ARHGAP8: variants seen among roughly 807,000 people sequenced by gnomAD.
ARHGAP8 encodes Rho GTPase activating protein 8, also known as rho GTPase-activating protein 8.
A neutral mutation model predicts 46.1 loss-of-function variants in ARHGAP8; 62 were observed. The ratio of observed to expected loss-of-function variants is 1.34; its 90% confidence interval spans 1.10 to 1.66. The LOEUF is 1.66. Ranked by LOEUF, ARHGAP8 falls within the 40% of genes most tolerant of loss-of-function variation. The probability of loss-of-function intolerance (pLI) is 0.00; values close to 1 mark genes in which losing one functional copy is unlikely to be tolerated. For missense variants in ARHGAP8, 923 were observed against 568.4 expected, an observed-to-expected ratio of 1.62 and a Z score of -6.34; for synonymous variants, 375 against 243.1, an observed-to-expected ratio of 1.54 and a Z score of -5.05.
chr22:44,791,474 C>G (rs916150353), intron 2 of ARHGAP8, among the ~76,000 whole-genome samples: 3 of 152,106 alleles, frequency 2.0e-5, no homozygotes, highest in Admixed American at 2.0e-4. Flanking sequence ...GGGGATGAGT[C>G]AGGTGGATCA....
intron 1 of ARHGAP8, among the ~76,000 whole-genome samples, chr22:44,753,502 T>C (rs1317975298): frequency 2.0e-5 from 3 of 151,536 alleles, no homozygotes; most frequent in Non-Finnish European, 4.4e-5. Context: ...ATTACAGTCG[T>C]GAGACACCGC....
At chr22:44,794,591 T>C (rs1265682923) in intron 2 of ARHGAP8, among the ~76,000 whole-genome samples, 1 of 152,018 alleles carries the variant, frequency 6.6e-6, no homozygotes, top group Non-Finnish European at 1.5e-5. Flanking sequence ...GCACCTGTAG[T>C]CCCAGCTACC....
intron 1 of ARHGAP8, among the ~76,000 whole-genome samples, chr22:44,758,623 G>T (rs1022477099): frequency 4.6e-5 from 7 of 151,758 alleles, no homozygotes; most frequent in African/African-American, 9.7e-5. Context: ...TAGTGGGGAG[G>T]GGGGGAACAT....
intron 5 of ARHGAP8, among the ~76,000 whole-genome samples, chr22:44,822,076 C>T (rs942867282): frequency 3.9e-5 from 6 of 152,204 alleles, no homozygotes; most frequent in South Asian, 2.1e-4. Flanking sequence ...GGCACTTCCG[C>T]GCTATCTCCT....
intron 1 of ARHGAP8, chr22:44,777,151 T>G (rs1167543455): frequency 6.6e-6 from 1 of 152,134 alleles, no homozygotes; most frequent in Non-Finnish European, 1.5e-5. Flanking sequence ...CACTCTGCTA[T>G]TCTTCAACAG....
At chr22:44,775,543 G>C (rs539305414) in intron 1 of ARHGAP8, among the ~76,000 whole-genome samples, 2 of 152,074 alleles carry the variant, frequency 1.3e-5, no homozygotes, top group African/African-American at 4.8e-5. Flanking sequence ...TGCCTCCCGG[G>C]TTCAAGCGAT....
At chr22:44,824,815 T>C (rs1280375997) in intron 6 of ARHGAP8, among the ~76,000 whole-genome samples, 1 of 151,884 alleles carries the variant, frequency 6.6e-6, no homozygotes, top group Admixed American at 6.6e-5. Flanking sequence ...GTATTTTCAG[T>C]AGAGATGGGG....
At chr22:44,859,647 A>C (rs4490294) in intron 10 of ARHGAP8, 84 bp from the exon 11 acceptor site, 232,678 of 1,459,172 alleles carry the variant, frequency 0.16, 19,680 homozygotes, top group East Asian at 0.35. Context: ...TGTCCTTCCT[A>C]CACCCCTGTT....
intron 1 of ARHGAP8, among the ~76,000 whole-genome samples, chr22:44,758,837 T>A (rs2146986419): frequency 6.6e-6 from 1 of 152,280 alleles, no homozygotes; most frequent in South Asian, 2.1e-4. Flanking sequence ...GACAGAGGGT[T>A]GTCATGGAAG....
rs114650852 is a variant in ARHGAP8 at position 44,824,425 on chromosome 22, G to A, written c.486-1058G>A. On this transcript the variant is annotated intron_variant, in intron 6 of 11. Transcript: ENST00000356099. Reference sequence around the variant, plus strand: ...CTCCGCAGACCTTTCCTGCATTGTCGGGTGCCTAACCCTGCACCATCTTGT... The same window carrying A: ...CTCCGCAGACCTTTCCTGCATTGTCAGGTGCCTAACCCTGCACCATCTTGT... 8.7e-3 allele frequency among the ~76,000 whole-genome samples: 1,329 copies of A among 152,204 alleles called. 21 individuals carry two copies. The highest frequency in any genetic ancestry group is 0.03 in the African/African-American group (1,244 of 41,516).
chr22:44,860,661 C>G (rs2070432386), intron 11 of ARHGAP8, among the ~76,000 whole-genome samples: 1 of 151,036 alleles, frequency 6.6e-6, no homozygotes. Flanking sequence ...AAGCAAATGA[C>G]CAGAGAGAGA....
intron 3 of ARHGAP8, among the ~76,000 whole-genome samples, chr22:44,805,800 C>T (rs770673329): frequency 6.6e-6 from 1 of 152,246 alleles, no homozygotes; most frequent in Non-Finnish European, 1.5e-5. Flanking sequence ...CGTACATTAT[C>T]CTCCCTATCC....
intron 11 of ARHGAP8, 90 bp from the exon 12 acceptor site, chr22:44,862,185 C>CT: frequency 6.7e-7 from 1 of 1,482,966 alleles, no homozygotes; most frequent in Non-Finnish European, 9.1e-7. Flanking sequence ...TCTCACTACA[C>CT]CTACGCCTCT....
intron 10 of ARHGAP8, among the ~76,000 whole-genome samples, chr22:44,858,551 T>TTTTTTTTTTTC (rs397964298): frequency 1.7e-5 from 2 of 117,912 alleles, no homozygotes; most frequent in African/African-American, 3.6e-5. Context: ...TTTTTTTTTT[T>TTTTTTTTTTTC]AAGTAACAGG....
In ARHGAP8 at chr22:44,862,535, G is replaced by C; in HGVS notation, c.1242G>C (p.Thr414=). Reference sequence around the variant, plus strand: ...AGGCTGTGCCACGGACACAAGCCACGGGCCTCACCAAGCCTACCCTACCTC... The same window carrying C: ...AGGCTGTGCCACGGACACAAGCCACCGGCCTCACCAAGCCTACCCTACCTC... ...LQEAVPRTQA[T]GLTKPTLPPS... The change falls in exon 12 of 12, where the codon ACG becomes ACC. Residue 414 remains threonine (T), a synonymous_variant. Transcript: ENST00000356099. 1.9e-6 allele frequency: 3 copies of C among 1,609,186 alleles called. No individual in the cohort carries two copies. The highest frequency in any genetic ancestry group is 1.3e-5 in the African/African-American group (1 of 74,950).
chr22:44,796,395 GGCCCTC>G (rs559637169), intron 2 of ARHGAP8, among the ~76,000 whole-genome samples: 2 of 152,158 alleles, frequency 1.3e-5, no homozygotes, highest in African/African-American at 4.8e-5. Context: ...GAATGCGGCT[GGCCCTC>G]GTCCCCAGTT....
intron 4 of ARHGAP8, among the ~76,000 whole-genome samples, chr22:44,814,286 T>C (rs75774616): frequency 0.012 from 1,893 of 152,302 alleles, 56 homozygotes; most frequent in African/African-American, 0.044. Flanking sequence ...GAGCTCCTTC[T>C]AGCCCAGGTC....
At chr22:44,808,593 C>A in intron 4 of ARHGAP8, 155 bp downstream of exon 4, 2 of 1,386,536 alleles carry the variant, frequency 1.4e-6, no homozygotes, top group South Asian at 2.5e-5. Flanking sequence ...GGAGGTTCAC[C>A]TCCCCTCTGG....
chr22:44,813,835 C>A (rs114182249), intron 4 of ARHGAP8, among the ~76,000 whole-genome samples: 1 of 152,120 alleles, frequency 6.6e-6, no homozygotes, highest in African/African-American at 2.4e-5. Flanking sequence ...CTACACACAC[C>A]TACACACTTA....
Sources: gnomAD v4.1 joint callset for allele counts (sites outside exome capture counted in the v4.1 genomes callset) on GRCh38, gnomAD v4.1.1 for gene constraint, MANE v1.5 for transcripts, NCBI Gene and HGNC (gene_info 2026-07-23, HGNC 2026-07-21) for gene names.